The following COL7A1 variants were observed in gnomAD, a reference collection of about 807,000 sequenced individuals.
COL7A1 encodes collagen type VII alpha 1 chain.
Under a neutral mutation model 456.2 loss-of-function variants are expected in COL7A1, and 296 were observed. That is an observed-to-expected ratio of 0.65 (90% CI 0.59 to 0.71). The LOEUF is 0.71. Ranked by LOEUF, COL7A1 falls within the 30% of genes least tolerant of loss-of-function variation. The probability of loss-of-function intolerance (pLI) is 0.00; values close to 1 mark genes in which losing one functional copy is unlikely to be tolerated. For missense variants in COL7A1, 3,441 were observed against 4,017.2 expected, an observed-to-expected ratio of 0.86 and a Z score of 3.88; for synonymous variants, 1,464 against 1,525.9, an observed-to-expected ratio of 0.96 and a Z score of 0.95.
chr3:48,574,475 G>A lies in COL7A1; in HGVS notation c.6456+13C>T. The stretch of plus-strand genomic sequence containing the variant: ...CCTTCTTGCACATGTGTGGCTGTTG[G>A]GCAAGGACTTACCGGGTTGCCGTCC... On this transcript the variant is annotated intron_variant, in intron 79 of 118. Transcript: ENST00000681320. The surrounding 1 kb of genome is among the most constrained non-coding windows in gnomAD (Gnocchi z 5.0). 1 of 1,614,096 alleles carries A rather than the reference G, an allele frequency of 6.2e-7. No homozygotes were observed. Among genetic ancestry groups the A allele is most frequent in the Non-Finnish European group, 8.5e-7 (1 of 1,180,016 alleles).
Position 48,570,769 on chromosome 3 carries a change from G to T in COL7A1, c.7273-59C>A. 6.4e-7 allele frequency: 1 copy of T among 1,556,006 alleles called. No homozygotes were observed. The highest frequency in any genetic ancestry group is 8.7e-7 in the Non-Finnish European group (1 of 1,149,676). On this transcript the variant is annotated intron_variant, in intron 95 of 118. Coordinates refer to ENST00000681320, the MANE Select transcript of COL7A1 (RefSeq NM_000094.4). This position sits in a 1 kb window ranked among gnomAD's most constrained non-coding sequence, Gnocchi z 5.5. ...TGACTTGGGAACCCTCCTACCCTCTGCCCCCTCAAGACTGGGAACCCCCAA... is the reference window on the plus strand; with the variant it reads ...TGACTTGGGAACCCTCCTACCCTCTTCCCCCTCAAGACTGGGAACCCCCAA...
Position 48,567,545 on chromosome 3 carries a change from G to A in COL7A1, c.8046+29C>T, listed in dbSNP as rs114970435. The A allele has an allele frequency of 5.5e-3, 8,931 of 1,613,874 alleles. 45 individuals carry two copies. Among genetic ancestry groups the A allele is most frequent in the Middle Eastern group, 0.018 (108 of 6,062 alleles). On this transcript the variant is annotated intron_variant, in intron 109 of 118. Transcript: ENST00000681320. This position sits in a 1 kb window ranked among gnomAD's most constrained non-coding sequence, Gnocchi z 4.3. ...CTTCCCTGCCCCATCCTGACTCCCT[G>A]TCATGTCCACTGTCCACAGACCCTG...
Position 48,567,269 on chromosome 3 carries a change from C to A in COL7A1, c.8047-79G>T. Reference sequence around the variant, plus strand: ...GAACCTCCCTGAACTCCCATGAGCTCCCTGGCCTAATGCCCAAACCTTCTG... The same window carrying A: ...GAACCTCCCTGAACTCCCATGAGCTACCTGGCCTAATGCCCAAACCTTCTG... On this transcript the variant is annotated intron_variant, in intron 109 of 118. Coordinates refer to ENST00000681320, the MANE Select transcript of COL7A1 (RefSeq NM_000094.4). This position sits in a 1 kb window ranked among gnomAD's most constrained non-coding sequence, Gnocchi z 4.3. 1 of 1,559,906 alleles carries A rather than the reference C, an allele frequency of 6.4e-7. No homozygotes were observed. The highest frequency in any genetic ancestry group is 8.8e-7 in the Non-Finnish European group (1 of 1,137,122).
Position 48,593,803 on chromosome 3 carries a change from G to A in COL7A1, c.267-107C>T, listed in dbSNP as rs2107803021. ...GTTACGGGTATCAGGCTCTCTTGAG[G>A]GGTCCCTTCGTTCTGTCATTCTCCA... On this transcript the variant is annotated intron_variant, in intron 3 of 118. Coordinates refer to ENST00000681320, the MANE Select transcript of COL7A1 (RefSeq NM_000094.4). The surrounding 1 kb of genome is among the most constrained non-coding windows in gnomAD (Gnocchi z 4.4). 3 of 1,357,894 alleles carry A rather than the reference G, an allele frequency of 2.2e-6. No homozygotes were observed. The highest frequency in any genetic ancestry group is 3.2e-6 in the Non-Finnish European group (3 of 952,072). 84.1% of individuals were successfully genotyped at this position (1,357,894 alleles called of 1,614,324 possible).
In COL7A1 at chr3:48,581,860, A is replaced by C; in HGVS notation, c.4668+51T>G. The C allele has an allele frequency of 6.2e-7, 1 of 1,613,754 alleles. No homozygotes were observed. The highest frequency in any genetic ancestry group is 8.5e-7 in the Non-Finnish European group (1 of 1,179,754). ...CCAAGTCCCATAGATAGGCCCTATG[A>C]CCTAGACCTCAACCCTGTAGAAACC... On this transcript the variant is annotated intron_variant, in intron 48 of 118. Transcript: ENST00000681320. The surrounding 1 kb of genome is among the most constrained non-coding windows in gnomAD (Gnocchi z 5.8).
rs1223788979 is a variant in COL7A1, at chr3:48,572,374, A to G, written c.6978+6T>C. 6.2e-7 allele frequency: 1 copy of G among 1,613,998 alleles called. No individual in the cohort carries two copies. Among genetic ancestry groups the G allele is most frequent in the South Asian group, 1.1e-5 (1 of 91,070 alleles). ...GAACATCTGCTGTCAGAAGTTCCCT[A>G]CTTACCGGCTCACCCACCAGGTCTC... On this transcript the variant is annotated splice_donor_region_variant and intron_variant, in intron 90 of 118. Coordinates refer to ENST00000681320, the MANE Select transcript of COL7A1 (RefSeq NM_000094.4). This position sits in a 1 kb window ranked among gnomAD's most constrained non-coding sequence, Gnocchi z 4.6.
chr3:48,566,164 C>G lies in COL7A1; in HGVS notation c.8407+103G>C, dbSNP rs780821302. 2.5e-6 allele frequency: 3 copies of G among 1,221,128 alleles called. No individual in the cohort carries two copies. Among genetic ancestry groups the G allele is most frequent in the Non-Finnish European group, 3.5e-6 (3 of 847,878 alleles). The allele number at this position is 1,221,128 out of a possible 1,614,324, so 75.6% of individuals were successfully genotyped here. A position where few individuals can be genotyped will look rare whatever the true frequency, so the allele number is the denominator to read the frequency against. ...GTGTCCTTCTGTGTATCCATCCATCCCCCCATCTTCTTGACTGCTTGCCCT... is the reference window on the plus strand; with the variant it reads ...GTGTCCTTCTGTGTATCCATCCATCGCCCCATCTTCTTGACTGCTTGCCCT... On this transcript the variant is annotated intron_variant, in intron 114 of 118. Transcript: ENST00000681320. The surrounding 1 kb of genome is among the most constrained non-coding windows in gnomAD (Gnocchi z 5.9).
chr3:48,581,124 G>C lies in COL7A1; in HGVS notation c.4933C>G (p.Pro1645Ala), dbSNP rs1259434056. Residue 1645 changes from proline to alanine, a missense_variant and splice_region_variant, in exon 53 of 119, where the codon CCG becomes GCG. This residue lies in a region of COL7A1 where 2,084 missense variants were observed against 2,501.3 expected (regional missense o/e 0.83). Transcript: ENST00000681320. This position sits in a 1 kb window ranked among gnomAD's most constrained non-coding sequence, Gnocchi z 5.8. Reference sequence around the variant, plus strand: ...ACCACAGTGGGAAGGAGTCTCACCGGAGGACCCTCGTCACCTTTCTCTCCA... The same window carrying C: ...ACCACAGTGGGAAGGAGTCTCACCGCAGGACCCTCGTCACCTTTCTCTCCA... ...EVGEKGDEGP[P>A]GDPGLPGKAG... 2 of 1,613,836 alleles carry C rather than the reference G, an allele frequency of 1.2e-6. No homozygotes were observed. Among genetic ancestry groups the C allele is most frequent in the African/African-American group, 2.7e-5 (2 of 74,896 alleles).
At position 48,581,264 on chromosome 3, in the gene COL7A1, C is replaced by T. The variant is rs775457190; in HGVS notation, c.4895G>A (p.Arg1632Gln). 16 of 1,613,288 alleles carry T rather than the reference C, an allele frequency of 9.9e-6. No homozygotes were observed. The highest frequency in any genetic ancestry group is 8.3e-5 in the Admixed American group (5 of 59,958). ...GPPGPVGPRG[R>Q]DGEVGEKGDE... is the part of the protein sequence containing the mutation. ...CCCCCGACTCCAGCCTCTTACATCTCGTCCTCGGGGGCCAACAGGTCCTGG... is the reference window on the plus strand; with the variant it reads ...CCCCCGACTCCAGCCTCTTACATCTTGTCCTCGGGGGCCAACAGGTCCTGG... Residue 1632 changes from arginine (R) to glutamine (Q), a missense_variant, in exon 52 of 119, where the codon CGA becomes CAA. This residue lies in a region of COL7A1 where 2,084 missense variants were observed against 2,501.3 expected (regional missense o/e 0.83). Transcript: ENST00000681320. This position sits in a 1 kb window ranked among gnomAD's most constrained non-coding sequence, Gnocchi z 5.8.
In COL7A1 at chr3:48,568,826, G is replaced by C; in HGVS notation, c.7716C>G (p.Gly2572=). The C allele has an allele frequency of 2.5e-6, 4 of 1,577,208 alleles. No homozygotes were observed. Among genetic ancestry groups the C allele is most frequent in the South Asian group, 2.3e-5 (2 of 86,186 alleles). ...KGSKGEPGDK[G]SAGLPGLRGL... The stretch of plus-strand genomic sequence containing the variant: ...CACGCAGTCCTGGCAACCCGGCTGA[G>C]CCCTTGTCACCAGGCTCTCCCTTGC... Residue 2572 remains glycine, a synonymous_variant, in exon 104 of 119, where the codon GGC becomes GGG. Coordinates refer to ENST00000681320, the MANE Select transcript of COL7A1 (RefSeq NM_000094.4). This position sits in a 1 kb window ranked among gnomAD's most constrained non-coding sequence, Gnocchi z 5.2.
At position 48,570,497 on chromosome 3, in the gene COL7A1, G is replaced by A. The variant is rs2043840616; in HGVS notation, c.7348C>T (p.Pro2450Ser). The A allele has an allele frequency of 6.2e-7, 1 of 1,613,886 alleles. No individual in the cohort carries two copies. ...GPPGPPGSVGPPGASGLKGDK... is the reference protein window; with the variant it reads ...GPPGPPGSVGSPGASGLKGDK... The stretch of plus-strand genomic sequence containing the variant: ...CCTTTGAGTCCAGAGGCCCCAGGTG[G>A]TCCCTGTAGGTCAGAGTGAGGTGAG... Residue 2450 changes from proline to serine, a missense_variant, in exon 97 of 119, where the codon CCA becomes TCA. Coordinates refer to ENST00000681320, the MANE Select transcript of COL7A1 (RefSeq NM_000094.4). This position sits in a 1 kb window ranked among gnomAD's most constrained non-coding sequence, Gnocchi z 5.5.
chr3:48,579,217 C>T lies in COL7A1; in HGVS notation c.5368G>A (p.Ala1790Thr), dbSNP rs780506505. The T allele has an allele frequency of 2.0e-5, 33 of 1,613,458 alleles. No homozygotes were observed. The East Asian group carries it at 3.1e-4, about 15-fold the overall frequency. Reference protein sequence around the residue: ...RSGLDGKPGAAGPSGPNGAAG... With the variant: ...RSGLDGKPGATGPSGPNGAAG... The stretch of plus-strand genomic sequence containing the variant: ...CTCACATTCGGCCCAGAGGGCCCAG[C>T]GGCTCCTGGTTTCCCATCCAGTCCG... The change falls in exon 62 of 119, where the codon GCT becomes ACT. Residue 1790 changes from alanine (A) to threonine (T), a missense_variant. Ala to Thr is a moderately conservative substitution (Grantham distance 58). Around this residue, in one of 3 missense-constraint regions of COL7A1, gnomAD observed 2,084 missense variants for 2,501.3 expected, o/e 0.83. Coordinates refer to ENST00000681320, the MANE Select transcript of COL7A1 (RefSeq NM_000094.4). The surrounding 1 kb of genome is among the most constrained non-coding windows in gnomAD (Gnocchi z 4.4).
rs2043771641 is a variant in COL7A1, at chr3:48,569,385, G to A, written c.7676C>T (p.Pro2559Leu). ...CCCTCTTCCCTGTACCTTGTCACCAGGGTCCCCATTGTCTCCCCGAGGTCC... is the reference window on the plus strand; with the variant it reads ...CCCTCTTCCCTGTACCTTGTCACCAAGGTCCCCATTGTCTCCCCGAGGTCC... ...DKGPRGDNGD[P>L]GDKGSKGEPG... The change falls in exon 103 of 119, where the codon CCT becomes CTT. Residue 2559 changes from proline to leucine, a missense_variant. This residue lies in a region of COL7A1 where 2,084 missense variants were observed against 2,501.3 expected (regional missense o/e 0.83). Coordinates refer to ENST00000681320, the MANE Select transcript of COL7A1 (RefSeq NM_000094.4). The surrounding 1 kb of genome is among the most constrained non-coding windows in gnomAD (Gnocchi z 4.9). 6.2e-7 allele frequency: 1 copy of A among 1,614,030 alleles called. No homozygotes were observed. Among genetic ancestry groups the A allele is most frequent in the Non-Finnish European group, 8.5e-7 (1 of 1,179,972 alleles).
At position 48,566,256 on chromosome 3, in the gene COL7A1, G is replaced by C; in HGVS notation, c.8407+11C>G. 2 of 1,596,180 alleles carry C rather than the reference G, an allele frequency of 1.3e-6. No individual in the cohort carries two copies. Among genetic ancestry groups the C allele is most frequent in the Non-Finnish European group, 1.7e-6 (2 of 1,172,596 alleles). ...GGTGGAGTGGGAGACTGCGGGCTGGGCACCACTCACCACAGTGCTGACTCA... is the reference window on the plus strand; with the variant it reads ...GGTGGAGTGGGAGACTGCGGGCTGGCCACCACTCACCACAGTGCTGACTCA... On this transcript the variant is annotated intron_variant, in intron 114 of 118. Transcript: ENST00000681320. The surrounding 1 kb of genome is among the most constrained non-coding windows in gnomAD (Gnocchi z 5.9).
chr3:48,589,300 G>A (rs1476922197), intron 18 of COL7A1, 27 bp downstream of exon 18: 1 of 1,611,392 alleles, frequency 6.2e-7, no homozygotes, highest in East Asian at 2.2e-5. Context: ...ATGCGGTGTG[G>A]CTAGTAGCTG....
chr3:48,581,817 A>C lies in COL7A1; in HGVS notation c.4669-58T>G, dbSNP rs2044779994. 6.2e-7 allele frequency: 1 copy of C among 1,613,576 alleles called. No individual in the cohort carries two copies. The highest frequency in any genetic ancestry group is 1.1e-5 in the South Asian group (1 of 91,068). ...CAGGCTCCAGTTAACCCCCTGACCC[A>C]GCAAGTCCTGTGACCCCCCAAGTCC... is the stretch of plus-strand genomic sequence containing the variant. On this transcript the variant is annotated intron_variant, in intron 48 of 118. Coordinates refer to ENST00000681320, the MANE Select transcript of COL7A1 (RefSeq NM_000094.4). The surrounding 1 kb of genome is among the most constrained non-coding windows in gnomAD (Gnocchi z 5.8).
In COL7A1 at chr3:48,581,091, G is replaced by A; in HGVS notation, c.4935+31C>T. On this transcript the variant is annotated intron_variant, in intron 53 of 118. Coordinates refer to ENST00000681320, the MANE Select transcript of COL7A1 (RefSeq NM_000094.4). This position sits in a 1 kb window ranked among gnomAD's most constrained non-coding sequence, Gnocchi z 5.8. ...CTGGGATCCTAGTTCAAGGGTAAAGGATCAGAAACCACAGTGGGAAGGAGT... is the reference window on the plus strand; with the variant it reads ...CTGGGATCCTAGTTCAAGGGTAAAGAATCAGAAACCACAGTGGGAAGGAGT... 1.9e-6 allele frequency: 3 copies of A among 1,613,540 alleles called. No homozygotes were observed. The highest frequency in any genetic ancestry group is 2.5e-6 in the Non-Finnish European group (3 of 1,179,676).
chr3:48,573,345 C>G lies in COL7A1; in HGVS notation c.6622G>C (p.Glu2208Gln), dbSNP rs749264275. ...CCTGGAGGTCCTGTCTCTCCAGGCT[C>G]CCCCTGCAAACAACCCAGAGACTGC... Reference protein sequence around the residue: ...GPQGPSGLKGEPGETGPPGRG... With the variant: ...GPQGPSGLKGQPGETGPPGRG... The change falls in exon 84 of 119, where the codon GAG (glutamate) becomes CAG (glutamine). Residue 2208 changes from glutamate to glutamine, a missense_variant. Coordinates refer to ENST00000681320, the MANE Select transcript of COL7A1 (RefSeq NM_000094.4). The surrounding 1 kb of genome is among the most constrained non-coding windows in gnomAD (Gnocchi z 5.5). 4 of 1,614,034 alleles carry G rather than the reference C, an allele frequency of 2.5e-6. No homozygotes were observed. In the Admixed American group the frequency reaches 5.0e-5, roughly 20 times the overall value.
intron 16 of COL7A1, 91 bp from the exon 17 acceptor site, chr3:48,589,809 G>T (rs1185787669): frequency 1.2e-5 from 19 of 1,583,826 alleles, no homozygotes; most frequent in Middle Eastern, 1.7e-4. Context: ...TCTAACAGGA[G>T]ACGGGAATTT....
Sources: gnomAD v4.1 joint callset for allele counts on GRCh38, gnomAD v4.1.1 for gene constraint, gnomAD v4.1.1 regional missense constraint, Gnocchi (gnomAD v3.1) non-coding constraint, MANE v1.5 for transcripts, NCBI Gene and HGNC (gene_info 2026-07-23, HGNC 2026-07-21) for gene names.